The following DCC variants were observed in gnomAD, a reference collection of about 807,000 sequenced individuals.
The protein encoded by DCC is netrin receptor DCC.
A neutral mutation model predicts 172.5 loss-of-function variants in DCC; 58 were observed. That is an observed-to-expected ratio of 0.34 (90% CI 0.27 to 0.42). DCC has a LOEUF of 0.42. DCC is among the 10% of genes least tolerant of loss of function. DCC has a pLI of 1.00. For missense variants in DCC, 1,740 were observed against 1,791.0 expected, an observed-to-expected ratio of 0.97 and a Z score of 0.51; for synonymous variants, 709 against 644.5, an observed-to-expected ratio of 1.10 and a Z score of -1.52.
chr18:53,328,881 C>T (rs1271193339), intron 14 of DCC, among the ~76,000 whole-genome samples: 2 of 152,138 alleles, frequency 1.3e-5, no homozygotes, highest in Non-Finnish European at 2.9e-5. Flanking sequence ...GACTGCAGTT[C>T]TTTCTGACAG....
chr18:52,661,126 A>G (rs2035350733), intron 1 of DCC, among the ~76,000 whole-genome samples: 1 of 152,218 alleles, frequency 6.6e-6, no homozygotes, highest in African/African-American at 2.4e-5. Flanking sequence ...AACTGAATTA[A>G]TACCCTGGTG....
intron 1 of DCC, among the ~76,000 whole-genome samples, chr18:52,591,377 CT>C (rs1326647191): frequency 2.6e-5 from 4 of 151,840 alleles, no homozygotes; most frequent in South Asian, 2.1e-4. Context: ...TTGCAAACTG[CT>C]TTTTTTTCAC....
At chr18:53,497,272 C>T (rs540948823) in intron 26 of DCC, among the ~76,000 whole-genome samples, 1 of 152,332 alleles carries the variant, frequency 6.6e-6, no homozygotes, top group East Asian at 1.9e-4. Flanking sequence ...ATTACAAACT[C>T]TTTCTGATGA....
chr18:52,844,320 G>GCAGGCAGA lies in DCC; in HGVS notation c.413-61721_413-61720insGCAGACAG, dbSNP rs1555672359. 2.6e-5 allele frequency among the ~76,000 whole-genome samples: 4 copies of GCAGGCAGA among 151,246 alleles called. 1 individual carries two copies. The South Asian group carries it at 8.4e-4, about 32-fold the overall frequency. On this transcript the variant is annotated intron_variant, in intron 2 of 28. Coordinates refer to ENST00000442544, the MANE Select transcript of DCC (RefSeq NM_005215.4). The stretch of plus-strand genomic sequence containing the variant: ...GATAGATAGGTAGATACATAGATAG[G>GCAGGCAGA]CAGACAGACAGACAGACAGATAGAT...
At chr18:52,972,876 C>T (rs1272032533) in intron 5 of DCC, among the ~76,000 whole-genome samples, 2 of 152,182 alleles carry the variant, frequency 1.3e-5, no homozygotes, top group African/African-American at 2.4e-5. Context: ...TCACTGAATA[C>T]AGTTTTGAAT....
chr18:53,467,469 G>A (rs1465878117), intron 24 of DCC, among the ~76,000 whole-genome samples: 1 of 151,920 alleles, frequency 6.6e-6, no homozygotes, highest in African/African-American at 2.4e-5. Context: ...AGTATTAGTT[G>A]AATGAATTCT....
chr18:52,786,222 T>G (rs2037655674), intron 2 of DCC, among the ~76,000 whole-genome samples: 1 of 152,002 alleles, frequency 6.6e-6, no homozygotes, highest in Admixed American at 6.6e-5. Context: ...TTACTTTCAC[T>G]GCTTGGCAGG....
At chr18:53,154,556 G>T (rs955151448) in intron 7 of DCC, among the ~76,000 whole-genome samples, 2 of 152,138 alleles carry the variant, frequency 1.3e-5, no homozygotes, top group Non-Finnish European at 2.9e-5. Flanking sequence ...TTTGAGGAAG[G>T]TGAGTTTAAG....
chr18:53,509,148 A>G (rs948717683), intron 27 of DCC, among the ~76,000 whole-genome samples: 1 of 152,230 alleles, frequency 6.6e-6, no homozygotes, highest in African/African-American at 2.4e-5. Context: ...CTCTCTGCAA[A>G]GAGAATCAAT....
intron 27 of DCC, among the ~76,000 whole-genome samples, chr18:53,517,191 C>T (rs553393572): frequency 4.1e-4 from 59 of 143,308 alleles, no homozygotes; most frequent in Middle Eastern, 3.5e-3. Flanking sequence ...AGTAAACTAT[C>T]GCAAGAACAA....
At chr18:53,172,277 T>C (rs533703157) in intron 8 of DCC, among the ~76,000 whole-genome samples, 1 of 152,176 alleles carries the variant, frequency 6.6e-6, no homozygotes, top group South Asian at 2.1e-4. Context: ...CACTGAGTAC[T>C]CAGGGACATA....
At position 53,450,590 on chromosome 18, in the gene DCC, G is replaced by C. The variant is rs1438796580; in HGVS notation, c.3320G>C (p.Gly1107Ala). The C allele has an allele frequency of 1.9e-5, 31 of 1,612,564 alleles. No homozygotes were observed. Among genetic ancestry groups the C allele is most frequent in the Non-Finnish European group, 2.6e-5 (31 of 1,179,530 alleles). ...CTTGTGATCATTGTGGTCACCGTTG[G>C]TGTCATCACAGTGCTGGTAGTGGTC... ...NLLVIIVVTV[G>A]VITVLVVVIV... Residue 1107 changes from glycine to alanine, a missense_variant, in exon 23 of 29, where the codon GGT becomes GCT. Physicochemically the swap from Gly to Ala is moderately conservative, Grantham distance 60. Transcript: ENST00000442544.
chr18:52,952,632 T>C lies in DCC; in HGVS notation c.985+27262T>C, dbSNP rs528051218. On this transcript the variant is annotated intron_variant, in intron 5 of 28. Coordinates refer to ENST00000442544, the MANE Select transcript of DCC (RefSeq NM_005215.4). Reference sequence around the variant, plus strand: ...TAGCTTTGGCTTTTGTAGTGCTTAGTGTCATTTCCATAAACAGAGCTAATT... The same window carrying C: ...TAGCTTTGGCTTTTGTAGTGCTTAGCGTCATTTCCATAAACAGAGCTAATT... Among the ~76,000 whole-genome samples the C allele has an allele frequency of 3.3e-4, 51 of 152,308 alleles. No individual in the cohort carries two copies. In the South Asian group the frequency reaches 9.3e-3, roughly 28 times the overall value.
intron 7 of DCC, among the ~76,000 whole-genome samples, 181 bp from the exon 8 acceptor site, chr18:53,157,175 A>G (rs2054751914): frequency 6.6e-6 from 1 of 152,220 alleles, no homozygotes; most frequent in African/African-American, 2.4e-5. Context: ...TTTAAAACCC[A>G]AGAAATACAA....
rs576864916 is a variant in DCC, at chr18:53,304,252, G to C, written c.1912-1326G>C. On this transcript the variant is annotated intron_variant, in intron 12 of 28. Coordinates refer to ENST00000442544, the MANE Select transcript of DCC (RefSeq NM_005215.4). ...TTTAGGGCTGTGGGTTTCCAGGCTT[G>C]AGGGTGGGGCCTTTTGCCAGAGAAC... Among the ~76,000 whole-genome samples the C allele has an allele frequency of 1.2e-4, 18 of 152,246 alleles. No individual in the cohort carries two copies. In the East Asian group the frequency reaches 3.3e-3, roughly 28 times the overall value.
chr18:53,353,845 G>A (rs1599056633), intron 15 of DCC, among the ~76,000 whole-genome samples: 1 of 151,964 alleles, frequency 6.6e-6, no homozygotes, highest in Non-Finnish European at 1.5e-5. Context: ...ATGTATACAT[G>A]TGCCATGTTG....
rs139536866 is a variant in DCC at position 53,185,333 on chromosome 18, T to C, written c.1573+6217T>C. On this transcript the variant is annotated intron_variant, in intron 9 of 28. Transcript: ENST00000442544. ...GGTTGTTTAATCACCTCTAGAAGAC[T>C]TCAAAGCAAATGTGAGTCACTGTGT... 2.1e-3 allele frequency among the ~76,000 whole-genome samples: 316 copies of C among 152,274 alleles called. 6 individuals carry two copies. Among genetic ancestry groups the C allele is most frequent in the Admixed American group, 0.019 (288 of 15,280 alleles).
At chr18:52,651,277 C>G (rs541824049) in intron 1 of DCC, among the ~76,000 whole-genome samples, 1 of 152,272 alleles carries the variant, frequency 6.6e-6, no homozygotes, top group Admixed American at 6.5e-5. Context: ...ATGCTCCTCC[C>G]TCAGTCTCCT....
At chr18:52,580,076 T>C (rs1311269003) in intron 1 of DCC, among the ~76,000 whole-genome samples, 1 of 152,254 alleles carries the variant, frequency 6.6e-6, no homozygotes, top group Non-Finnish European at 1.5e-5. Flanking sequence ...AATTTTCTTC[T>C]AGATAAATCA....
Sources: gnomAD v4.1 joint callset for allele counts (sites outside exome capture counted in the v4.1 genomes callset) on GRCh38, gnomAD v4.1.1 for gene constraint, MANE v1.5 for transcripts, NCBI Gene and HGNC (gene_info 2026-07-23, HGNC 2026-07-21) for gene names.